Variants in PRDM16 observed in about 807,000 individuals in gnomAD.
The protein encoded by PRDM16 is PR/SET domain 16, also known as histone-lysine N-methyltransferase PRDM16.
Under a neutral mutation model 110.6 loss-of-function variants are expected in PRDM16, and 23 were observed. That is an observed-to-expected ratio of 0.21 (90% confidence interval 0.15 to 0.29). PRDM16 has a LOEUF of 0.29. Among genes scored for constraint, PRDM16 ranks in the 10% least tolerant of loss-of-function variants. PRDM16 has a pLI of 1.00. For synonymous variants in PRDM16, 799 were observed against 781.8 expected (o/e 1.02, Z -0.37); for missense variants, 1,615 against 1,794.3 (o/e 0.90, Z 1.81).
intron 3 of PRDM16, among the ~76,000 whole-genome samples, chr1:3,362,895 C>T (rs2100562022): frequency 6.6e-6 from 1 of 152,306 alleles, no homozygotes; most frequent in Admixed American, 6.5e-5. Flanking sequence ...TCAGCTGGCC[C>T]CAGAACTGTT....
At chr1:3,413,893 G>A (rs1027437437) in intron 9 of PRDM16, among the ~76,000 whole-genome samples, 5 of 152,192 alleles carry the variant, frequency 3.3e-5, no homozygotes, top group African/African-American at 9.6e-5. Flanking sequence ...ATCTGGGGAA[G>A]GTTCTGGAAC....
intron 1 of PRDM16, among the ~76,000 whole-genome samples, chr1:3,114,541 T>G (rs1046757035): frequency 6.7e-6 from 1 of 150,132 alleles, no homozygotes; most frequent in African/African-American, 2.5e-5. Flanking sequence ...CATGCACACA[T>G]GAACACACAC....
chr1:3,119,088 G>A (rs1347117284), intron 1 of PRDM16, among the ~76,000 whole-genome samples: 1 of 152,182 alleles, frequency 6.6e-6, no homozygotes, highest in Non-Finnish European at 1.5e-5. Flanking sequence ...TGTACCCTGT[G>A]CCCTCCTTCA....
At chr1:3,166,798 T>C (rs1352656383) in intron 1 of PRDM16, among the ~76,000 whole-genome samples, 1 of 152,184 alleles carries the variant, frequency 6.6e-6, no homozygotes, top group Non-Finnish European at 1.5e-5. Context: ...AGTGGCCCCA[T>C]GGTTCTCACC....
chr1:3,400,895 G>GC (rs1643457319), intron 5 of PRDM16, among the ~76,000 whole-genome samples: 1 of 152,152 alleles, frequency 6.6e-6, no homozygotes, highest in Non-Finnish European at 1.5e-5. Flanking sequence ...TTCCCTGTCA[G>GC]CCAGATACTT....
intron 3 of PRDM16, among the ~76,000 whole-genome samples, chr1:3,325,990 TC>T (rs1477525311): frequency 3.4e-5 from 5 of 146,322 alleles, no homozygotes; most frequent in African/African-American, 5.1e-5. Flanking sequence ...TCCTCGACCA[TC>T]CTTGGCCCCC....
intron 3 of PRDM16, among the ~76,000 whole-genome samples, chr1:3,372,937 C>T (rs1429368328): frequency 2.6e-5 from 4 of 152,114 alleles, no homozygotes; most frequent in Admixed American, 6.5e-5. Context: ...CCTGCGGGCT[C>T]GGGGAATGAC....
chr1:3,075,561 G>GA (rs1409696133), intron 1 of PRDM16, among the ~76,000 whole-genome samples: 2 of 152,150 alleles, frequency 1.3e-5, no homozygotes, highest in East Asian at 1.9e-4. Flanking sequence ...AGAATCTAAG[G>GA]AAAAAAATAT....
At chr1:3,415,732 C>A (rs924048424) in intron 10 of PRDM16, among the ~76,000 whole-genome samples, 9 of 152,242 alleles carry the variant, frequency 5.9e-5, no homozygotes, top group Non-Finnish European at 7.3e-5. Flanking sequence ...CTCCTGCCCG[C>A]TGCCCCCACG....
intron 16 of PRDM16, among the ~76,000 whole-genome samples, chr1:3,433,381 G>A (rs1010440942): frequency 4.6e-5 from 7 of 152,382 alleles, no homozygotes; most frequent in Non-Finnish European, 1.5e-5. Context: ...CCAGGGCCAC[G>A]GGAGGCTGGG....
chr1:3,130,992 C>T (rs1462801126), intron 1 of PRDM16, among the ~76,000 whole-genome samples: 3 of 151,988 alleles, frequency 2.0e-5, no homozygotes, highest in Non-Finnish European at 4.4e-5. Context: ...CTGACCCGTC[C>T]GTGTTTATCC....
At chr1:3,162,205 C>T (rs935551869) in intron 1 of PRDM16, among the ~76,000 whole-genome samples, 1 of 152,206 alleles carries the variant, frequency 6.6e-6, no homozygotes, top group African/African-American at 2.4e-5. Context: ...CCTCTCTGTG[C>T]CCAGGATTTT....
rs572002641 is a variant in PRDM16, at chr1:3,138,637, G to C, written c.38-47488G>C. ...TGAGGGAGCCTGCCATCTTGTCAGA[G>C]CCCCTTCCTTTCTGAATATGGTACC... On this transcript the variant is annotated intron_variant, in intron 1 of 16. Transcript: ENST00000270722. Among the ~76,000 whole-genome samples the C allele has an allele frequency of 9.0e-4, 137 of 152,322 alleles. 1 individual carries two copies. Among genetic ancestry groups the C allele is most frequent in the Admixed American group, 1.8e-3 (27 of 15,298 alleles).
At chr1:3,171,409 G>A (rs1644024374) in intron 1 of PRDM16, among the ~76,000 whole-genome samples, 1 of 152,144 alleles carries the variant, frequency 6.6e-6, no homozygotes, top group Non-Finnish European at 1.5e-5. Flanking sequence ...TTTGTCCTCG[G>A]GTGGCCTGGC....
chr1:3,100,875 C>T lies in PRDM16; in HGVS notation c.37+31579C>T, dbSNP rs1289738375. 5.3e-5 allele frequency among the ~76,000 whole-genome samples: 8 copies of T among 152,080 alleles called. No individual in the cohort carries two copies. The East Asian group carries it at 1.2e-3, about 22-fold the overall frequency. ...GAAAGGGAGGTGCCACAAGTACCCA[C>T]GACGGCTGTGCCGAAGCCCCCGGGG... On this transcript the variant is annotated intron_variant, in intron 1 of 16. Transcript: ENST00000270722.
chr1:3,282,811 C>CGTG (rs1278115477), intron 3 of PRDM16, among the ~76,000 whole-genome samples: 1 of 152,134 alleles, frequency 6.6e-6, no homozygotes, highest in African/African-American at 2.4e-5. Context: ...AGGAGGCAGC[C>CGTG]GTGGCCGGAG....
intron 6 of PRDM16, among the ~76,000 whole-genome samples, chr1:3,403,254 G>A (rs1050821988): frequency 1.3e-5 from 2 of 152,206 alleles, no homozygotes; most frequent in African/African-American, 4.8e-5. Context: ...GACCGCAAAT[G>A]TCCTGGCCCC....
rs558505032 is a variant in PRDM16 at position 3,200,791 on chromosome 1, G to A, written c.387+14317G>A. Among the ~76,000 whole-genome samples, 14 of 152,160 alleles carry A rather than the reference G, an allele frequency of 9.2e-5. No homozygotes were observed. In the East Asian group the frequency reaches 1.9e-3, roughly 21 times the overall value. On this transcript the variant is annotated intron_variant, in intron 2 of 16. Coordinates refer to ENST00000270722, the MANE Select transcript of PRDM16 (RefSeq NM_022114.4). The stretch of plus-strand genomic sequence containing the variant: ...GGACAGGGCTTGGGGGTCATGGGGC[G>A]AGTGTCTCCTGCACCTAATCCCAGC...
chr1:3,397,236 G>A (rs1470215321), intron 5 of PRDM16, among the ~76,000 whole-genome samples: 1 of 152,236 alleles, frequency 6.6e-6, no homozygotes, highest in Non-Finnish European at 1.5e-5. Context: ...TCACAGTGAT[G>A]CGGAGTCGCC....
Sources: gnomAD v4.1 joint callset for allele counts (sites outside exome capture counted in the v4.1 genomes callset) on GRCh38, gnomAD v4.1.1 for gene constraint, MANE v1.5 for transcripts, NCBI Gene and HGNC (gene_info 2026-07-23, HGNC 2026-07-21) for gene names.